Variants in CNDP1 observed in about 807,000 individuals in gnomAD.
CNDP1 encodes the protein carnosine dipeptidase 1, also known as beta-Ala-His dipeptidase.
A neutral mutation model predicts 58.1 loss-of-function variants in CNDP1; 44 were observed. The ratio of observed to expected loss-of-function variants is 0.76; its 90% CI spans 0.60 to 0.97. CNDP1 has a LOEUF of 0.97. Ranked by LOEUF, CNDP1 falls within the 50% of genes least tolerant of loss-of-function variation. CNDP1 has a pLI of 0.00. For synonymous variants in CNDP1, 254 were observed against 252.6 expected, an observed-to-expected ratio of 1.01 and a Z score of -0.05; for missense variants, 616 against 655.1, an observed-to-expected ratio of 0.94 and a Z score of 0.65.
Position 74,580,262 on chromosome 18 carries a change from A to G in CNDP1, c.1300A>G (p.Ile434Val), listed in dbSNP as rs145240287. The G allele has an allele frequency of 1.7e-3, 2,744 of 1,614,140 alleles. 43 individuals carry two copies. The African/African-American group carries it at 0.032, about 19-fold the overall frequency. Residue 434 changes from isoleucine (I) to valine (V), a missense_variant, in exon 10 of 12, where the codon ATC becomes GTC. Ile to Val is a conservative substitution (Grantham distance 29, BLOSUM62 3). Transcript: ENST00000358821. ...DTQYLAAKRA[I>V]RTVFGTEPDM... ...CCAGTATCTCGCAGCAAAAAGAGCG[A>G]TCAGAACAGGTGGGACCTTAAGATC...
chr18:74,568,983 T>G (rs545074832), intron 6 of CNDP1, among the ~76,000 whole-genome samples: 14 of 151,964 alleles, frequency 9.2e-5, no homozygotes, highest in Non-Finnish European at 1.6e-4. Flanking sequence ...TGATCAACGG[T>G]GGTATTCAGG....
intron 10 of CNDP1, among the ~76,000 whole-genome samples, chr18:74,581,893 G>T (rs1448573315): frequency 6.6e-6 from 1 of 152,226 alleles, no homozygotes. Flanking sequence ...TTACAGATGA[G>T]GCCTGAGGCC....
At chr18:74,547,784 C>T (rs1192086838) in intron 1 of CNDP1, among the ~76,000 whole-genome samples, 2 of 152,198 alleles carry the variant, frequency 1.3e-5, no homozygotes, top group Admixed American at 6.5e-5. Context: ...CAGGACCTCT[C>T]GCTTCGGGGG....
At position 74,584,833 on chromosome 18, in the gene CNDP1, C is replaced by T; in HGVS notation, c.*271C>T. Reference sequence around the variant, plus strand: ...TTCCCCAAGTCCTGTGCAATAGCCCCAGGATTGGATTCCTTCAAACCTTTT... The same window carrying T: ...TTCCCCAAGTCCTGTGCAATAGCCCTAGGATTGGATTCCTTCAAACCTTTT... On this transcript the variant is annotated 3_prime_UTR_variant, in exon 12 of 12. Coordinates refer to ENST00000358821, the MANE Select transcript of CNDP1 (RefSeq NM_032649.6). The T allele has an allele frequency of 2.5e-6, 1 of 401,864 alleles. No individual in the cohort carries two copies. The highest frequency in any genetic ancestry group is 4.5e-6 in the Non-Finnish European group (1 of 221,660). 24.9% of individuals were successfully genotyped at this position (401,864 alleles called of 1,614,324 possible). A position where few individuals can be genotyped will look rare whatever the true frequency, so the allele number is the denominator to read the frequency against.
chr18:74,569,867 CAACA>C (rs1175545935), intron 6 of CNDP1, among the ~76,000 whole-genome samples: 1 of 152,056 alleles, frequency 6.6e-6, no homozygotes, highest in Non-Finnish European at 1.5e-5. Context: ...GAACATTCCA[CAACA>C]AACAAAGTAA....
chr18:74,574,406 T>C (rs12456388), intron 7 of CNDP1, among the ~76,000 whole-genome samples: 94,006 of 152,162 alleles, frequency 0.62, 29,430 homozygotes, highest in Admixed American at 0.7. Flanking sequence ...TTGCAGACAC[T>C]TTCCTATTCT....
chr18:74,556,232 G>C (rs908858292), intron 1 of CNDP1, 106 bp from the exon 2 acceptor site: 6 of 1,237,550 alleles, frequency 4.8e-6, no homozygotes, highest in Non-Finnish European at 5.6e-6. Flanking sequence ...CGACTGACTG[G>C]AGGCAGCTGT....
chr18:74,534,758 T>C, intron 1 of CNDP1, 67 bp downstream of exon 1: 2 of 1,594,426 alleles, frequency 1.3e-6, no homozygotes, highest in Non-Finnish European at 1.7e-6. Context: ...CCCGGGAGCA[T>C]GTGCGTTAAG....
chr18:74,560,440 T>C (rs1421233835), intron 3 of CNDP1, among the ~76,000 whole-genome samples: 1 of 152,308 alleles, frequency 6.6e-6, no homozygotes, highest in Non-Finnish European at 1.5e-5. Context: ...GGGTGTGGCA[T>C]CTCACACTTG....
chr18:74,547,428 C>G (rs1457660736), intron 1 of CNDP1, among the ~76,000 whole-genome samples: 1 of 152,210 alleles, frequency 6.6e-6, no homozygotes, highest in African/African-American at 2.4e-5. Flanking sequence ...GGCAAGAGTG[C>G]TTTCTTTCAT....
At chr18:74,581,965 T>C (rs1332711871) in intron 10 of CNDP1, among the ~76,000 whole-genome samples, 1 of 152,194 alleles carries the variant, frequency 6.6e-6, no homozygotes, top group Non-Finnish European at 1.5e-5. Flanking sequence ...GCACTAACTC[T>C]CTCTCAGGGT....
intron 5 of CNDP1, 198 bp from the exon 6 acceptor site, chr18:74,567,035 A>G (rs527361360): frequency 1.9e-4 from 110 of 583,606 alleles, no homozygotes; most frequent in Admixed American, 6.1e-4. Flanking sequence ...TGATAAACCC[A>G]TCAGATCTCA....
Position 74,584,496 on chromosome 18 carries a change from G to A in CNDP1, c.1458G>A (p.Arg486=), listed in dbSNP as rs1433432462. 6.2e-7 allele frequency: 1 copy of A among 1,609,596 alleles called. No individual in the cohort carries two copies. Among genetic ancestry groups the A allele is most frequent in the Middle Eastern group, 1.7e-4 (1 of 6,058 alleles). ...TTCTCTTTGTTTTTCCTCTTCTTAG[G>A]TGGAACTACATAGAGGGAACCAAAT... ...GEHSQNEKIN[R]WNYIEGTKLF... Residue 486 remains arginine (R), a splice_region_variant and synonymous_variant, in exon 12 of 12, where the codon AGG becomes AGA. Coordinates refer to ENST00000358821, the MANE Select transcript of CNDP1 (RefSeq NM_032649.6).
intron 6 of CNDP1, among the ~76,000 whole-genome samples, chr18:74,569,145 G>C (rs1046398317): frequency 1.3e-5 from 2 of 152,164 alleles, no homozygotes; most frequent in Non-Finnish European, 1.5e-5. Flanking sequence ...GAGACAGCCA[G>C]CTCAAGCTTT....
chr18:74,581,447 G>A (rs1025376887), intron 10 of CNDP1, among the ~76,000 whole-genome samples: 6 of 152,094 alleles, frequency 3.9e-5, no homozygotes, highest in Middle Eastern at 3.2e-3. Context: ...GGAGGACACA[G>A]CCCCCAGGCA....
chr18:74,572,507 G>A (rs1293537094), intron 7 of CNDP1, among the ~76,000 whole-genome samples: 1 of 151,982 alleles, frequency 6.6e-6, no homozygotes, highest in East Asian at 1.9e-4. Context: ...TCACAACATG[G>A]CCAGGCATGG....
At chr18:74,543,562 C>A (rs546365663) in intron 1 of CNDP1, among the ~76,000 whole-genome samples, 6 of 151,584 alleles carry the variant, frequency 4.0e-5, no homozygotes, top group Non-Finnish European at 8.8e-5. Context: ...GTATTAAAAT[C>A]AACCAATTAG....
At chr18:74,571,736 C>G (rs1037464827) in intron 7 of CNDP1, among the ~76,000 whole-genome samples, 1 of 152,124 alleles carries the variant, frequency 6.6e-6, no homozygotes, top group Non-Finnish European at 1.5e-5. Flanking sequence ...AGCGACACAC[C>G]AGGTGAGGCC....
At chr18:74,562,227 T>C (rs1447116090) in intron 5 of CNDP1, 92 bp downstream of exon 5, 13 of 1,107,476 alleles carry the variant, frequency 1.2e-5, no homozygotes, top group Non-Finnish European at 1.8e-5. Flanking sequence ...CAAACTGCCT[T>C]AGGTCACTTA....
Sources: allele counts gnomAD v4.1 joint callset (sites outside exome capture counted in the v4.1 genomes callset), GRCh38; gene constraint gnomAD v4.1.1; transcripts MANE v1.5; gene names NCBI Gene and HGNC (gene_info 2026-07-23, HGNC 2026-07-21).